The following CADPS variants were observed in gnomAD, a reference collection of about 807,000 sequenced individuals.
CADPS encodes the protein calcium dependent secretion activator, also known as calcium-dependent secretion activator 1.
CADPS carries 57 observed loss-of-function variants against 167.3 expected under a neutral mutation model. That is an observed-to-expected ratio of 0.34 (90% CI 0.28 to 0.42). The LOEUF is 0.42. CADPS is among the 20% of genes least tolerant of loss of function. CADPS has a pLI of 1.00. For synonymous variants in CADPS, 676 were observed against 635.3 expected (o/e 1.06, Z -0.96); for missense variants, 1,414 against 1,738.1 (o/e 0.81, Z 3.32).
intron 26 of CADPS, among the ~76,000 whole-genome samples, chr3:62,459,587 C>A (rs73092123): frequency 6.6e-6 from 1 of 152,178 alleles, no homozygotes; most frequent in African/African-American, 2.4e-5. Context: ...AGGTCTCAGC[C>A]CAAATGTCAT....
chr3:62,499,553 T>C (rs1343221920), intron 17 of CADPS: 1 of 242,836 alleles, frequency 4.1e-6, no homozygotes, highest in Non-Finnish European at 8.2e-6. Context: ...TGACATTTTG[T>C]ACACATGTTC....
At chr3:62,811,899 G>T (rs1051767005) in intron 1 of CADPS, among the ~76,000 whole-genome samples, 1 of 152,074 alleles carries the variant, frequency 6.6e-6, no homozygotes, top group African/African-American at 2.4e-5. Context: ...TATTTATTTG[G>T]CTTTAATATG....
intron 1 of CADPS, among the ~76,000 whole-genome samples, chr3:62,834,829 A>G (rs1577069044): frequency 6.6e-6 from 1 of 152,180 alleles, no homozygotes; most frequent in East Asian, 1.9e-4. Context: ...TGCTACAGTA[A>G]AGGACTTACT....
At chr3:62,826,857 T>G (rs1559806363) in intron 1 of CADPS, among the ~76,000 whole-genome samples, 1 of 152,202 alleles carries the variant, frequency 6.6e-6, no homozygotes, top group Non-Finnish European at 1.5e-5. Context: ...AACCTATTCC[T>G]TCCTTGAAAG....
intron 26 of CADPS, among the ~76,000 whole-genome samples, chr3:62,451,386 C>A (rs548071922): frequency 1.1e-3 from 161 of 152,050 alleles, no homozygotes; most frequent in Non-Finnish European, 1.1e-3. Flanking sequence ...GGGGCTTAAA[C>A]CACTTCTTTT....
At chr3:62,807,307 G>A (rs970313804) in intron 1 of CADPS, among the ~76,000 whole-genome samples, 14 of 141,454 alleles carry the variant, frequency 9.9e-5, no homozygotes, top group African/African-American at 3.3e-4. Flanking sequence ...TGTCGCCCAG[G>A]CTGGAGGGCA....
intron 7 of CADPS, 70 bp downstream of exon 7, chr3:62,592,567 A>G (rs1052910119): frequency 8.0e-6 from 9 of 1,120,870 alleles, no homozygotes; most frequent in Non-Finnish European, 1.2e-5. Flanking sequence ...CCTCTTGGTG[A>G]CCTGTGCACT....
intron 4 of CADPS, among the ~76,000 whole-genome samples, chr3:62,652,425 A>T (rs2070427488): frequency 2.3e-5 from 3 of 129,896 alleles, no homozygotes; most frequent in Non-Finnish European, 1.6e-5. Flanking sequence ...AAAAAAAAAT[A>T]AGCTGTGTAA....
At chr3:62,706,544 G>A (rs527469414) in intron 3 of CADPS, among the ~76,000 whole-genome samples, 7 of 152,222 alleles carry the variant, frequency 4.6e-5, no homozygotes, top group African/African-American at 4.8e-5. Context: ...ATACTGGGCT[G>A]GAAGTCCAAG....
At chr3:62,650,753 G>T (rs1563344699) in intron 5 of CADPS, 94 bp downstream of exon 5, 2 of 850,536 alleles carry the variant, frequency 2.4e-6, no homozygotes, top group East Asian at 2.5e-5. Context: ...TGCTCCTGGG[G>T]TGCAACAGAA....
intron 28 of CADPS, among the ~76,000 whole-genome samples, chr3:62,427,210 A>T (rs191212506): frequency 6.6e-6 from 1 of 152,278 alleles, no homozygotes; most frequent in East Asian, 1.9e-4. Flanking sequence ...GTGAGTGTTA[A>T]GTTCAAGTTG....
intron 3 of CADPS, among the ~76,000 whole-genome samples, chr3:62,729,764 T>C (rs1158398005): frequency 1.3e-5 from 2 of 151,810 alleles, no homozygotes; most frequent in African/African-American, 4.9e-5. Flanking sequence ...ATATCCTGCC[T>C]TTAACACTTT....
chr3:62,577,909 T>C (rs929557335), intron 8 of CADPS, among the ~76,000 whole-genome samples: 4 of 151,936 alleles, frequency 2.6e-5, no homozygotes, highest in Non-Finnish European at 5.9e-5. Flanking sequence ...TTCAGCTAAT[T>C]CCAAAGAAAG....
rs71123291 is a variant in CADPS at position 62,715,753 on chromosome 3, CTTTTTTTT to C, written c.888+37680_888+37687del. Among the ~76,000 whole-genome samples, 20 of 89,716 alleles carry C rather than the reference CTTTTTTTT, an allele frequency of 2.2e-4. 1 individual carries two copies. Among genetic ancestry groups the C allele is most frequent in the Non-Finnish European group, 3.5e-4 (17 of 48,942 alleles). The allele number at this position is 89,716 out of a possible 152,430, so 58.9% of individuals were successfully genotyped here. A position where few individuals can be genotyped will look rare whatever the true frequency, so the allele number is the denominator to read the frequency against. On this transcript the variant is annotated intron_variant, in intron 3 of 29. Coordinates refer to ENST00000383710, the MANE Select transcript of CADPS (RefSeq NM_003716.4). ...ATTTCAATTTATAATGATTATAAAT[CTTTTTTTT>C]TTTTTTTTTTTTTGAGATGGAGTCT...
intron 1 of CADPS, among the ~76,000 whole-genome samples, chr3:62,834,915 A>G (rs1409385533): frequency 6.6e-6 from 1 of 152,190 alleles, no homozygotes; most frequent in East Asian, 1.9e-4. Context: ...TGCACTGGTA[A>G]CATTGAGTAG....
chr3:62,823,242 T>C (rs1429385465), intron 1 of CADPS, among the ~76,000 whole-genome samples: 1 of 152,216 alleles, frequency 6.6e-6, no homozygotes, highest in Non-Finnish European at 1.5e-5. Flanking sequence ...ATTAAAAACC[T>C]ATACTAGGCC....
At chr3:62,852,604 G>GAAAAA (rs368586358) in intron 1 of CADPS, among the ~76,000 whole-genome samples, 1 of 138,606 alleles carries the variant, frequency 7.2e-6, no homozygotes, top group South Asian at 2.3e-4. Context: ...ATCAAAAAAA[G>GAAAAA]AAAAAAAAAA....
intron 13 of CADPS, among the ~76,000 whole-genome samples, chr3:62,531,452 A>G (rs1367372459): frequency 2.0e-5 from 3 of 152,210 alleles, no homozygotes; most frequent in Non-Finnish European, 4.4e-5. Context: ...CAAACCTATG[A>G]TGCTATTGTT....
chr3:62,473,880 G>A (rs2060920803), intron 24 of CADPS: 1 of 270,326 alleles, frequency 3.7e-6, no homozygotes, highest in Non-Finnish European at 6.9e-6. Context: ...ATCTGTTCGA[G>A]ACACCAGCCT....
Sources: gnomAD v4.1 joint callset for allele counts (sites outside exome capture counted in the v4.1 genomes callset) on GRCh38, gnomAD v4.1.1 for gene constraint, MANE v1.5 for transcripts, NCBI Gene and HGNC (gene_info 2026-07-23, HGNC 2026-07-21) for gene names.